The following PPP4C variants were observed in gnomAD, a reference collection of about 807,000 sequenced individuals.
PPP4C encodes the protein serine/threonine-protein phosphatase 4 catalytic subunit.
Under a neutral mutation model 40.5 loss-of-function variants are expected in PPP4C, and 10 were observed. The observed-to-expected ratio is 0.25, with a 90% CI of 0.15 to 0.42. PPP4C has a LOEUF of 0.42. PPP4C is among the 10% of genes least tolerant of loss of function. PPP4C has a pLI of 1.00. For synonymous variants in PPP4C, 187 were observed against 163.6 expected (o/e 1.14, Z -1.09); for missense variants, 191 against 416.4 (o/e 0.46, Z 4.71).
intron 4 of PPP4C, 58 bp downstream of exon 4, chr16:30,082,592 A>C (rs1245024312): frequency 1.9e-6 from 3 of 1,586,960 alleles, no homozygotes; most frequent in Non-Finnish European, 2.6e-6. Context: ...AGACCCCTGT[A>C]ATTGAGGGTG....
At position 30,083,344 on chromosome 16, in the gene PPP4C, G is replaced by A; in HGVS notation, c.304-50G>A. On this transcript the variant is annotated intron_variant, in intron 5 of 8. Transcript: ENST00000279387. This position sits in a 1 kb window ranked among gnomAD's most constrained non-coding sequence, Gnocchi z 6.3. ...GGGCACGAGGAGGTCAGAGAGGGAT[G>A]TGTGGAGAGACCGTCTAGGCGCCAG... is the stretch of plus-strand genomic sequence containing the variant. 6.3e-7 allele frequency: 1 copy of A among 1,577,110 alleles called. No homozygotes were observed. Among genetic ancestry groups the A allele is most frequent in the Non-Finnish European group, 8.6e-7 (1 of 1,161,302 alleles).
In PPP4C at chr16:30,083,272, G is replaced by T; in HGVS notation, c.304-122G>T. 8.7e-7 allele frequency: 1 copy of T among 1,146,200 alleles called. No individual in the cohort carries two copies. The highest frequency in any genetic ancestry group is 2.0e-5 in the Admixed American group (1 of 49,548). 71.0% of individuals were successfully genotyped at this position (1,146,200 alleles called of 1,614,324 possible). A position where few individuals can be genotyped will look rare whatever the true frequency, so the allele number is the denominator to read the frequency against. ...CTGATGCCACACGATTCAGGCAAGA[G>T]GTGCCAGGAGTGTGCTGGGCAGTGG... is the stretch of plus-strand genomic sequence containing the variant. On this transcript the variant is annotated intron_variant, in intron 5 of 8. Transcript: ENST00000279387. This position sits in a 1 kb window ranked among gnomAD's most constrained non-coding sequence, Gnocchi z 6.3.
At position 30,076,048 on chromosome 16, in the gene PPP4C, A is replaced by C; in HGVS notation, c.-110A>C. ...CGGCGGCGGTCGAAAGCGGAGTGAAAGAGGGAGGCAGGGAGCCGGAGAGCC... is the reference window on the plus strand; with the variant it reads ...CGGCGGCGGTCGAAAGCGGAGTGAACGAGGGAGGCAGGGAGCCGGAGAGCC... On this transcript the variant is annotated 5_prime_UTR_variant, in exon 1 of 9. Coordinates refer to ENST00000279387, the MANE Select transcript of PPP4C (RefSeq NM_002720.3). The C allele has an allele frequency of 2.5e-6, 1 of 396,028 alleles. No individual in the cohort carries two copies. The allele number at this position is 396,028 out of a possible 1,614,324, so 24.5% of individuals were successfully genotyped here. A position where few individuals can be genotyped will look rare whatever the true frequency, so the allele number is the denominator to read the frequency against.
chr16:30,079,057 T>A (rs916666621), intron 2 of PPP4C, among the ~76,000 whole-genome samples: 4 of 152,074 alleles, frequency 2.6e-5, no homozygotes, highest in Admixed American at 2.6e-4. Context: ...GGGCTTCAGG[T>A]TTTCACTCAG....
In PPP4C at chr16:30,076,009, G is replaced by A. The variant is rs976954740; in HGVS notation, c.-149G>A. 7.1e-6 allele frequency: 2 copies of A among 280,838 alleles called. No individual in the cohort carries two copies. Among genetic ancestry groups the A allele is most frequent in the South Asian group, 3.8e-5 (1 of 26,338 alleles). The allele number at this position is 280,838 out of a possible 1,614,324, so 17.4% of individuals were successfully genotyped here. A position where few individuals can be genotyped will look rare whatever the true frequency, so the allele number is the denominator to read the frequency against. ...CCGCGGCGGGGCCGGAAGTAGGAGC[G>A]GCGGCGGCGGCGGCGGCGGCGGTCG... is the stretch of plus-strand genomic sequence containing the variant. On this transcript the variant is annotated 5_prime_UTR_variant, in exon 1 of 9. Coordinates refer to ENST00000279387, the MANE Select transcript of PPP4C (RefSeq NM_002720.3).
chr16:30,084,688 C>T lies in PPP4C; in HGVS notation c.627C>T (p.Ser209=), dbSNP rs765937288. ...DPEDTTGWGV[S]PRGAGYLFGS... Reference sequence around the variant, plus strand: ...CAGACACCACAGGCTGGGGCGTGAGCCCCCGAGGAGCCGGCTACCTATTTG... The same window carrying T: ...CAGACACCACAGGCTGGGGCGTGAGTCCCCGAGGAGCCGGCTACCTATTTG... The change falls in exon 8 of 9, where the codon AGC becomes AGT. Residue 209 remains serine, a synonymous_variant. Coordinates refer to ENST00000279387, the MANE Select transcript of PPP4C (RefSeq NM_002720.3). The T allele has an allele frequency of 2.5e-6, 4 of 1,614,036 alleles. No individual in the cohort carries two copies. In the African/African-American group the frequency reaches 5.3e-5, roughly 22 times the overall value.
intron 2 of PPP4C, 67 bp from the exon 3 acceptor site, chr16:30,081,192 C>T (rs1346088771): frequency 1.9e-6 from 3 of 1,608,700 alleles, no homozygotes; most frequent in Non-Finnish European, 1.7e-6. Flanking sequence ...CCCCTCCCCC[C>T]AAAAAAGGTC....
At chr16:30,077,686 A>G (rs1207330072) in intron 2 of PPP4C, among the ~76,000 whole-genome samples, 1 of 152,190 alleles carries the variant, frequency 6.6e-6, no homozygotes, top group East Asian at 1.9e-4. Context: ...CAGGGCCACT[A>G]TTTGGCCTGG....
chr16:30,076,150 G>C, intron 1 of PPP4C, 56 bp downstream of exon 1: 1 of 572,894 alleles, frequency 1.7e-6, no homozygotes, highest in South Asian at 2.1e-5. Context: ...CGCGGGGTTC[G>C]ACGGGAGTTA....
At chr16:30,084,574 G>A in intron 7 of PPP4C, 92 bp from the exon 8 acceptor site, 1 of 1,215,668 alleles carries the variant, frequency 8.2e-7, no homozygotes, top group South Asian at 1.4e-5. Context: ...GGTGGACTTG[G>A]GGAGGGGCCA....
At position 30,082,842 on chromosome 16, in the gene PPP4C, C is replaced by G. The variant is rs1279364638; in HGVS notation, c.298C>G (p.Leu100Val). 1 of 1,613,930 alleles carries G rather than the reference C, an allele frequency of 6.2e-7. No homozygotes were observed. The highest frequency in any genetic ancestry group is 8.5e-7 in the Non-Finnish European group (1 of 1,179,876). ...SVETFLLLLA[L>V]KVRYPDRITL... The stretch of plus-strand genomic sequence containing the variant: ...CGAAACGTTCCTCCTGCTGCTGGCA[C>G]TTAAGGTGGCAGTCCCCGGCTTCTG... Residue 100 changes from leucine to valine, a missense_variant, in exon 5 of 9, where the codon CTT becomes GTT. Physicochemically the swap from Leu to Val is conservative, Grantham distance 32. Coordinates refer to ENST00000279387, the MANE Select transcript of PPP4C (RefSeq NM_002720.3).
intron 7 of PPP4C, among the ~76,000 whole-genome samples, chr16:30,084,302 GACAC>G (rs1444742414): frequency 6.6e-6 from 1 of 152,128 alleles, no homozygotes; most frequent in Non-Finnish European, 1.5e-5. Flanking sequence ...CACACATGCA[GACAC>G]ACACATGCAG....
chr16:30,079,737 A>G (rs947035963), intron 2 of PPP4C, among the ~76,000 whole-genome samples: 1 of 152,172 alleles, frequency 6.6e-6, no homozygotes, highest in African/African-American at 2.4e-5. Context: ...CCTCCTGTCC[A>G]CTGAGCTCAG....
chr16:30,083,937 C>G lies in PPP4C; in HGVS notation c.604+156C>G. The G allele has an allele frequency of 1.7e-6, 2 of 1,150,176 alleles. No homozygotes were observed. The highest frequency in any genetic ancestry group is 3.0e-5 in the South Asian group (2 of 67,232). 71.2% of individuals were successfully genotyped at this position (1,150,176 alleles called of 1,614,324 possible). A position where few individuals can be genotyped will look rare whatever the true frequency, so the allele number is the denominator to read the frequency against. On this transcript the variant is annotated intron_variant, in intron 7 of 8. Coordinates refer to ENST00000279387, the MANE Select transcript of PPP4C (RefSeq NM_002720.3). This position sits in a 1 kb window ranked among gnomAD's most constrained non-coding sequence, Gnocchi z 6.3. The stretch of plus-strand genomic sequence containing the variant: ...AGGCCTGCATGGCAGGTGCTTTGAG[C>G]ACACAGTGGCTTGGGGCATGGCCCA...
intron 2 of PPP4C, 45 bp downstream of exon 2, chr16:30,076,520 C>T (rs564706930): frequency 5.1e-5 from 79 of 1,554,540 alleles, no homozygotes; most frequent in Non-Finnish European, 6.5e-5. Flanking sequence ...CCGCCGCCCA[C>T]GGGTTCTGGC....
chr16:30,076,791 G>A lies in PPP4C; in HGVS notation c.98+316G>A, dbSNP rs1472186246. Among the ~76,000 whole-genome samples the A allele has an allele frequency of 2.6e-5, 4 of 152,188 alleles. No individual in the cohort carries two copies. The East Asian group carries it at 7.7e-4, about 29-fold the overall frequency. Reference sequence around the variant, plus strand: ...GGAGGGGGGCCGAACTGTGGGAGAGGCCTCGAATAAGGAGGTGGTAAAAGA... The same window carrying A: ...GGAGGGGGGCCGAACTGTGGGAGAGACCTCGAATAAGGAGGTGGTAAAAGA... On this transcript the variant is annotated intron_variant, in intron 2 of 8. Transcript: ENST00000279387.
intron 2 of PPP4C, among the ~76,000 whole-genome samples, chr16:30,077,592 G>T (rs971038256): frequency 2.0e-5 from 3 of 152,178 alleles, no homozygotes; most frequent in Non-Finnish European, 4.4e-5. Flanking sequence ...CTGTGTGATT[G>T]TGGCTTCTAC....
Position 30,085,372 on chromosome 16 carries a change from A to G in PPP4C, c.*310A>G, listed in dbSNP as rs1057118165. ...AAAAAATTCTAATAAAAGAAGAAAAATGGTTTTTGGGTTTGTGCCAGACTT... is the reference window on the plus strand; with the variant it reads ...AAAAAATTCTAATAAAAGAAGAAAAGTGGTTTTTGGGTTTGTGCCAGACTT... On this transcript the variant is annotated 3_prime_UTR_variant, in exon 9 of 9. Coordinates refer to ENST00000279387, the MANE Select transcript of PPP4C (RefSeq NM_002720.3). The G allele has an allele frequency of 4.1e-6, 1 of 245,172 alleles. No individual in the cohort carries two copies. The highest frequency in any genetic ancestry group is 7.9e-6 in the Non-Finnish European group (1 of 126,512). The allele number at this position is 245,172 out of a possible 1,614,324, so 15.2% of individuals were successfully genotyped here.
chr16:30,081,255 C>A lies in PPP4C; in HGVS notation c.99-4C>A. On this transcript the variant is annotated splice_region_variant and splice_polypyrimidine_tract_variant and intron_variant, in intron 2 of 8. Coordinates refer to ENST00000279387, the MANE Select transcript of PPP4C (RefSeq NM_002720.3). The stretch of plus-strand genomic sequence containing the variant: ...TGGTGACCCTGGTCTTCTCCTGTCT[C>A]CAGAGAGATCTTGGTAGAGGAGAGC... 2 of 1,613,692 alleles carry A rather than the reference C, an allele frequency of 1.2e-6. No individual in the cohort carries two copies. The highest frequency in any genetic ancestry group is 1.7e-6 in the Non-Finnish European group (2 of 1,179,836).
Sources: allele counts gnomAD v4.1 joint callset (sites outside exome capture counted in the v4.1 genomes callset), GRCh38; gene constraint gnomAD v4.1.1; non-coding constraint Gnocchi (gnomAD v3.1); transcripts MANE v1.5; gene names NCBI Gene and HGNC (gene_info 2026-07-23, HGNC 2026-07-21).